GPAT4: variants seen among roughly 807,000 people sequenced by gnomAD.
GPAT4 encodes glycerol-3-phosphate acyltransferase 4.
Under a neutral mutation model 58.0 loss-of-function variants are expected in GPAT4, and 17 were observed. The observed-to-expected ratio is 0.29, with a 90% confidence interval of 0.20 to 0.44. GPAT4 has a LOEUF of 0.44. Ranked by LOEUF, GPAT4 falls within the 20% of genes least tolerant of loss-of-function variation. GPAT4 has a pLI of 1.00. For missense variants in GPAT4, 377 were observed against 574.5 expected (o/e 0.66, Z 3.51); for synonymous variants, 204 against 210.1 (o/e 0.97, Z 0.25).
intron 2 of GPAT4, among the ~76,000 whole-genome samples, chr8:41,606,307 G>C (rs1317386559): frequency 6.6e-6 from 1 of 152,120 alleles, no homozygotes. Context: ...ACCAACTCCA[G>C]GTCAATAGCC....
chr8:41,595,425 C>G (rs1802904243), intron 1 of GPAT4, among the ~76,000 whole-genome samples: 1 of 122,358 alleles, frequency 8.2e-6, no homozygotes, highest in Middle Eastern at 5.4e-3. Flanking sequence ...TTTCTACTTT[C>G]TTCTGTTAGC....
intron 12 of GPAT4, chr8:41,619,190 A>T: frequency 1.6e-6 from 1 of 611,104 alleles, no homozygotes; most frequent in Non-Finnish European, 2.9e-6. Context: ...GAGGCAGTTG[A>T]TTCTGTGTAC....
intron 2 of GPAT4, among the ~76,000 whole-genome samples, chr8:41,604,677 G>A (rs983270686): frequency 2.6e-5 from 4 of 152,206 alleles, no homozygotes; most frequent in Non-Finnish European, 5.9e-5. Context: ...ATCAGGTCAC[G>A]TTAGAGAAGA....
rs1803873134 is a variant in GPAT4, at chr8:41,624,950, G to A, written c.*3949G>A. 1 of 152,032 alleles carries A rather than the reference G, an allele frequency of 6.6e-6. No homozygotes were observed. The highest frequency in any genetic ancestry group is 1.5e-5 in the Non-Finnish European group (1 of 68,010). The allele number at this position is 152,032 out of a possible 1,614,324, so 9.4% of individuals were successfully genotyped here. ...CATCATTTCAGTACCTGCTATTAAT[G>A]GTCTTTTGATAAATAATCACTTGTA... On this transcript the variant is annotated 3_prime_UTR_variant, in exon 13 of 13. Coordinates refer to ENST00000396987, the MANE Select transcript of GPAT4 (RefSeq NM_178819.4).
At chr8:41,597,067 CAA>C (rs1802955111) in intron 1 of GPAT4, among the ~76,000 whole-genome samples, 1 of 152,138 alleles carries the variant, frequency 6.6e-6, no homozygotes, top group African/African-American at 2.4e-5. Flanking sequence ...ATAGATAACA[CAA>C]AAAGTTAGGT....
rs35302781 is a variant in GPAT4, at chr8:41,603,525, C to CA, written c.165+4242dup. Reference sequence around the variant, plus strand: ...TGGGTGACAAAGCAAGACTCCGTCTCAAAAAAAAAAAAAAAAAAAAAGTAA... The same window carrying CA: ...TGGGTGACAAAGCAAGACTCCGTCTCAAAAAAAAAAAAAAAAAAAAAAGTAA... On this transcript the variant is annotated intron_variant, in intron 2 of 12. Transcript: ENST00000396987. 4.7e-3 allele frequency among the ~76,000 whole-genome samples: 399 copies of CA among 85,172 alleles called. 4 individuals carry two copies. Among genetic ancestry groups the CA allele is most frequent in the African/African-American group, 9.5e-3 (223 of 23,522 alleles). 55.9% of individuals were successfully genotyped at this position (85,172 alleles called of 152,430 possible).
intron 1 of GPAT4, among the ~76,000 whole-genome samples, chr8:41,578,903 G>T (rs1304554001): frequency 3.9e-5 from 6 of 152,170 alleles, no homozygotes; most frequent in African/African-American, 1.4e-4. Context: ...GCAGAAAATA[G>T]CTTATAGGAG....
At chr8:41,580,734 C>T (rs1265270520) in intron 1 of GPAT4, among the ~76,000 whole-genome samples, 3 of 152,206 alleles carry the variant, frequency 2.0e-5, no homozygotes, top group Middle Eastern at 3.4e-3. Flanking sequence ...TATGCATGTC[C>T]AGTTTATGGA....
intron 1 of GPAT4, among the ~76,000 whole-genome samples, chr8:41,589,068 G>A (rs1394442230): frequency 6.6e-6 from 1 of 152,148 alleles, no homozygotes; most frequent in African/African-American, 2.4e-5. Flanking sequence ...GTAAAAGAAC[G>A]GTTATCTAGA....
chr8:41,614,139 A>G (rs1325886798), intron 8 of GPAT4, among the ~76,000 whole-genome samples: 1 of 152,168 alleles, frequency 6.6e-6, no homozygotes, highest in Non-Finnish European at 1.5e-5. Flanking sequence ...GTTGAGTGGC[A>G]TCATTGGTGC....
At chr8:41,605,638 A>T (rs1433590299) in intron 2 of GPAT4, among the ~76,000 whole-genome samples, 2 of 152,068 alleles carry the variant, frequency 1.3e-5, no homozygotes, top group African/African-American at 4.8e-5. Flanking sequence ...GCAGTGGCGC[A>T]ATCTTGGCTC....
chr8:41,612,105 C>G (rs1803462606), intron 6 of GPAT4, 75 bp from the exon 7 acceptor site: 2 of 1,585,630 alleles, frequency 1.3e-6, no homozygotes, highest in African/African-American at 2.7e-5. Flanking sequence ...GCAGATGAAG[C>G]ATGTGAGGTG....
chr8:41,615,334 C>G (rs1803565904), intron 10 of GPAT4, among the ~76,000 whole-genome samples: 1 of 152,154 alleles, frequency 6.6e-6, no homozygotes, highest in South Asian at 2.1e-4. Context: ...CACTTATTAC[C>G]TTGCTTCATA....
chr8:41,604,918 G>A (rs185750247), intron 2 of GPAT4, among the ~76,000 whole-genome samples: 10 of 152,210 alleles, frequency 6.6e-5, no homozygotes, highest in African/African-American at 2.4e-4. Context: ...GAGAGTGGGA[G>A]TATTAATACT....
At chr8:41,609,608 G>T (rs377641801) in intron 3 of GPAT4, 47 bp from the exon 4 acceptor site, 15 of 1,604,912 alleles carry the variant, frequency 9.3e-6, no homozygotes, top group Non-Finnish European at 1.2e-5. Context: ...TATGTCTCAC[G>T]TGCTCTCCCC....
Position 41,607,238 on chromosome 8 carries a change from G to T in GPAT4, c.166-2178G>T, listed in dbSNP as rs539983359. The stretch of plus-strand genomic sequence containing the variant: ...GTTCAGCCCTCTCCTCTTTTCCCCT[G>T]CCCTTGTGACTTGGGGCAATTTTTT... On this transcript the variant is annotated intron_variant, in intron 2 of 12. Coordinates refer to ENST00000396987, the MANE Select transcript of GPAT4 (RefSeq NM_178819.4). Among the ~76,000 whole-genome samples, 101 of 152,134 alleles carry T rather than the reference G, an allele frequency of 6.6e-4. 1 individual carries two copies. The highest frequency in any genetic ancestry group is 2.3e-3 in the African/African-American group (94 of 41,498).
intron 8 of GPAT4, among the ~76,000 whole-genome samples, chr8:41,613,893 G>A (rs1803518837): frequency 6.6e-6 from 1 of 152,220 alleles, no homozygotes; most frequent in South Asian, 2.1e-4. Flanking sequence ...TCCAGCCTGG[G>A]CAACACAGGG....
At chr8:41,583,306 G>C (rs928474898) in intron 1 of GPAT4, among the ~76,000 whole-genome samples, 1 of 151,498 alleles carries the variant, frequency 6.6e-6, no homozygotes, top group Admixed American at 6.6e-5. Context: ...GAACTCATTC[G>C]TTCCATTTAA....
At chr8:41,607,480 T>G (rs1352904732) in intron 2 of GPAT4, among the ~76,000 whole-genome samples, 1 of 152,096 alleles carries the variant, frequency 6.6e-6, no homozygotes. Context: ...TCATATATTC[T>G]CTGCCTATTG....
Sources: allele counts gnomAD v4.1 joint callset (sites outside exome capture counted in the v4.1 genomes callset), GRCh38; gene constraint gnomAD v4.1.1; transcripts MANE v1.5; gene names NCBI Gene and HGNC (gene_info 2026-07-23, HGNC 2026-07-21).